The following ADAMTS19 variants were observed in gnomAD, a reference collection of about 807,000 sequenced individuals.
ADAMTS19 encodes A disintegrin and metalloproteinase with thrombospondin motifs 19.
A neutral mutation model predicts 153.3 loss-of-function variants in ADAMTS19; 93 were observed. The observed-to-expected ratio is 0.61, with a 90% CI of 0.51 to 0.72. ADAMTS19 has a LOEUF of 0.72. Among genes scored for constraint, ADAMTS19 ranks in the 30% least tolerant of loss-of-function variants. The pLI, the probability that ADAMTS19 is intolerant of heterozygous loss-of-function variation, is 0.00. For missense variants in ADAMTS19, 1,482 were observed against 1,552.1 expected (o/e 0.95, Z 0.76); for synonymous variants, 600 against 556.6 (o/e 1.08, Z -1.10).
intron 7 of ADAMTS19, among the ~76,000 whole-genome samples, chr5:129,581,974 T>G (rs1749538181): frequency 6.6e-6 from 1 of 150,986 alleles, no homozygotes; most frequent in African/African-American, 2.4e-5. Context: ...GAGACTGTTT[T>G]GATTTCCATT....
chr5:129,699,422 CAAA>C (rs536240544), intron 19 of ADAMTS19, among the ~76,000 whole-genome samples: 12 of 80,592 alleles, frequency 1.5e-4, no homozygotes, highest in African/African-American at 1.5e-4. Context: ...GACTTCATCT[CAAA>C]AAAAAAAAAA....
chr5:129,591,147 G>C (rs1212868797), intron 7 of ADAMTS19, among the ~76,000 whole-genome samples: 1 of 151,964 alleles, frequency 6.6e-6, no homozygotes, highest in East Asian at 1.9e-4. Context: ...CCCATTCAAT[G>C]GTATCACCAA....
intron 2 of ADAMTS19, among the ~76,000 whole-genome samples, chr5:129,484,621 AT>A: frequency 6.6e-6 from 1 of 152,032 alleles, no homozygotes; most frequent in Non-Finnish European, 1.5e-5. Flanking sequence ...TGTTTATATA[AT>A]TTTTGAATAT....
At chr5:129,526,040 T>G (rs1030151989) in intron 3 of ADAMTS19, among the ~76,000 whole-genome samples, 5 of 152,156 alleles carry the variant, frequency 3.3e-5, no homozygotes, top group African/African-American at 1.2e-4. Flanking sequence ...GGTGTTATCA[T>G]TATCCACTTT....
intron 7 of ADAMTS19, among the ~76,000 whole-genome samples, chr5:129,574,889 T>C (rs1006801102): frequency 3.3e-5 from 5 of 151,784 alleles, no homozygotes; most frequent in Admixed American, 2.6e-4. Context: ...TTATTTACTA[T>C]GGCAATTTCC....
chr5:129,544,219 A>T lies in ADAMTS19; in HGVS notation c.1329-7645A>T, dbSNP rs576154627. The stretch of plus-strand genomic sequence containing the variant: ...GAAAAATAACAATATTGTAGTAATC[A>T]CTTATTTTTTACAATAATTTATAAG... On this transcript the variant is annotated intron_variant, in intron 6 of 22. Transcript: ENST00000274487. Among the ~76,000 whole-genome samples the T allele has an allele frequency of 1.1e-4, 17 of 152,296 alleles. 1 individual carries two copies. Among genetic ancestry groups the T allele is most frequent in the Middle Eastern group, 6.8e-3 (2 of 294 alleles).
At position 129,701,521 on chromosome 5, in the gene ADAMTS19, A is replaced by G; in HGVS notation, c.3088A>G (p.Lys1030Glu). ...CCGAGAGAGGGACTGCATTGGGCCCAAGCCCGCCTCTGCCCAGCGCTGTGA... is the reference window on the plus strand; with the variant it reads ...CCGAGAGAGGGACTGCATTGGGCCCGAGCCCGCCTCTGCCCAGCGCTGTGA... ...RARERDCIGP[K>E]PASAQRCEGQ... The change falls in exon 20 of 23, where the codon AAG (lysine) becomes GAG (glutamate). Residue 1030 changes from lysine (K) to glutamate (E), a missense_variant. Lys to Glu is a moderately conservative substitution (Grantham distance 56). Coordinates refer to ENST00000274487, the MANE Select transcript of ADAMTS19 (RefSeq NM_133638.6). 6.2e-7 allele frequency: 1 copy of G among 1,614,214 alleles called. No homozygotes were observed. The highest frequency in any genetic ancestry group is 8.5e-7 in the Non-Finnish European group (1 of 1,180,026).
At chr5:129,624,241 T>C (rs975330766) in intron 10 of ADAMTS19, among the ~76,000 whole-genome samples, 2 of 151,500 alleles carry the variant, frequency 1.3e-5, no homozygotes, top group Middle Eastern at 3.2e-3. Flanking sequence ...GGCACAGTCA[T>C]GGATCCTTGG....
intron 7 of ADAMTS19, among the ~76,000 whole-genome samples, chr5:129,565,459 G>T (rs1009116367): frequency 1.1e-4 from 17 of 151,926 alleles, no homozygotes; most frequent in Non-Finnish European, 2.1e-4. Context: ...AATTTTTATT[G>T]GTTCTTGCAT....
At chr5:129,597,906 A>G (rs943675032) in intron 8 of ADAMTS19, among the ~76,000 whole-genome samples, 37 of 151,526 alleles carry the variant, frequency 2.4e-4, no homozygotes, top group Non-Finnish European at 4.3e-4. Flanking sequence ...ATCTCAAAAA[A>G]AAAAAAAGAA....
At chr5:129,560,608 G>C (rs1190389246) in intron 7 of ADAMTS19, among the ~76,000 whole-genome samples, 1 of 152,104 alleles carries the variant, frequency 6.6e-6, no homozygotes, top group African/African-American at 2.4e-5. Flanking sequence ...GATGATTTTT[G>C]TTATTTTTAC....
intron 2 of ADAMTS19, among the ~76,000 whole-genome samples, chr5:129,484,004 G>A (rs920306995): frequency 3.9e-5 from 6 of 152,090 alleles, no homozygotes; most frequent in African/African-American, 1.4e-4. Context: ...ACTAACTGTA[G>A]TTAAGAGTGC....
chr5:129,663,592 T>C (rs1753912744), intron 15 of ADAMTS19, among the ~76,000 whole-genome samples: 1 of 152,170 alleles, frequency 6.6e-6, no homozygotes, highest in South Asian at 2.1e-4. Context: ...GGTTACTAAG[T>C]TCAGAAATTT....
intron 13 of ADAMTS19, among the ~76,000 whole-genome samples, chr5:129,650,053 A>G (rs1019447197): frequency 6.6e-6 from 1 of 152,138 alleles, no homozygotes; most frequent in Admixed American, 6.5e-5. Flanking sequence ...GTGTTGTGGC[A>G]TGTGCCTGTA....
At chr5:129,490,290 T>C (rs980066803) in intron 2 of ADAMTS19, among the ~76,000 whole-genome samples, 1 of 152,192 alleles carries the variant, frequency 6.6e-6, no homozygotes, top group African/African-American at 2.4e-5. Context: ...ATAAGTGATA[T>C]AGTAACTTCC....
intron 2 of ADAMTS19, among the ~76,000 whole-genome samples, chr5:129,471,450 AGAAGGAAGGAAGGAAG>A (rs141743571): frequency 2.0e-5 from 3 of 146,516 alleles, no homozygotes; most frequent in African/African-American, 5.2e-5. Flanking sequence ...AGAAAGAAAA[AGAAGGAAGGAAGGAAG>A]GAAGGAAGGA....
chr5:129,657,307 AG>A (rs576167230), intron 14 of ADAMTS19, among the ~76,000 whole-genome samples: 23 of 152,294 alleles, frequency 1.5e-4, no homozygotes, highest in Non-Finnish European at 2.9e-4. Context: ...CAACACCAGC[AG>A]CACCAGTCAC....
chr5:129,654,292 T>C lies in ADAMTS19; in HGVS notation c.2177-14T>C, dbSNP rs1393490629. The C allele has an allele frequency of 5.1e-6, 8 of 1,574,636 alleles. No homozygotes were observed. Among genetic ancestry groups the C allele is most frequent in the Admixed American group, 2.0e-5 (1 of 49,358 alleles). ...TAACTTTTTCTCATTTCTTTTTATCTACTCTGTATGTAGAAAAACCATGTG... is the reference window on the plus strand; with the variant it reads ...TAACTTTTTCTCATTTCTTTTTATCCACTCTGTATGTAGAAAAACCATGTG... On this transcript the variant is annotated splice_polypyrimidine_tract_variant and intron_variant, in intron 13 of 22. Coordinates refer to ENST00000274487, the MANE Select transcript of ADAMTS19 (RefSeq NM_133638.6).
chr5:129,524,375 C>A (rs1751928807), intron 3 of ADAMTS19, among the ~76,000 whole-genome samples: 1 of 152,094 alleles, frequency 6.6e-6, no homozygotes, highest in Admixed American at 6.6e-5. Context: ...TTAGGCAGCA[C>A]CATTCAGGAC....
Sources: gnomAD v4.1 joint callset for allele counts (sites outside exome capture counted in the v4.1 genomes callset) on GRCh38, gnomAD v4.1.1 for gene constraint, MANE v1.5 for transcripts, NCBI Gene and HGNC (gene_info 2026-07-23, HGNC 2026-07-21) for gene names.